Variants in PTPRD observed in about 807,000 individuals in gnomAD.
PTPRD encodes the protein protein tyrosine phosphatase receptor type D, also known as receptor-type tyrosine-protein phosphatase delta.
A neutral mutation model predicts 214.5 loss-of-function variants in PTPRD; 34 were observed. That is an observed-to-expected ratio of 0.16 (90% CI 0.12 to 0.21). The LOEUF (loss-of-function observed/expected upper bound fraction) is 0.21, where lower values mean the gene tolerates loss of function less well. PTPRD is among the 10% of genes least tolerant of loss of function. The pLI, the probability that PTPRD is intolerant of heterozygous loss-of-function variation, is 1.00. For synonymous variants in PTPRD, 1,128 were observed against 845.7 expected (o/e 1.33, Z -5.79); for missense variants, 2,545 against 2,398.7 (o/e 1.06, Z -1.27).
intron 44 of PTPRD, among the ~76,000 whole-genome samples, chr9:8,323,999 G>A (rs1393328496): frequency 6.6e-6 from 1 of 151,884 alleles, no homozygotes; most frequent in East Asian, 1.9e-4. Context: ...TCACCCTTCA[G>A]AAACCACCGC....
intron 2 of PTPRD, among the ~76,000 whole-genome samples, chr9:10,461,392 A>G (rs2098957406): frequency 6.6e-6 from 1 of 152,030 alleles, no homozygotes; most frequent in African/African-American, 2.4e-5. Flanking sequence ...CTGCAATCCT[A>G]TGTTCATTGT....
intron 4 of PTPRD, among the ~76,000 whole-genome samples, chr9:9,956,280 T>TAAAAAAAAA (rs202114228): frequency 7.8e-6 from 1 of 127,574 alleles, no homozygotes; most frequent in Non-Finnish European, 1.7e-5. Flanking sequence ...AAGTCAAACT[T>TAAAAAAAAA]AAAAAAAAAA....
At chr9:9,833,877 C>T (rs1244331982) in intron 5 of PTPRD, among the ~76,000 whole-genome samples, 1 of 152,064 alleles carries the variant, frequency 6.6e-6, no homozygotes, top group African/African-American at 2.4e-5. Context: ...TGCTGTTATC[C>T]TGTTCTTTTT....
In PTPRD at chr9:10,554,074, T is replaced by A. The variant is rs183391256; in HGVS notation, c.-600+58324A>T. 5.9e-5 allele frequency among the ~76,000 whole-genome samples: 9 copies of A among 152,310 alleles called. No homozygotes were observed. In the East Asian group the frequency reaches 1.7e-3, roughly 29 times the overall value. The stretch of plus-strand genomic sequence containing the variant: ...AACATCACAAAGTTACATTTCTTAA[T>A]CTCTTAATCCCATGCAAATGTCCAT... On this transcript the variant is annotated intron_variant, in intron 2 of 45. Coordinates refer to ENST00000381196, the MANE Select transcript of PTPRD (RefSeq NM_002839.4).
chr9:9,159,722 G>A (rs191985416), intron 10 of PTPRD, among the ~76,000 whole-genome samples: 11 of 151,966 alleles, frequency 7.2e-5, no homozygotes, highest in Non-Finnish European at 1.3e-4. Flanking sequence ...CCTTAAATTC[G>A]TATGGAACTA....
chr9:8,333,038 C>G (rs1031201691), intron 43 of PTPRD, among the ~76,000 whole-genome samples: 2 of 152,156 alleles, frequency 1.3e-5, no homozygotes, highest in Non-Finnish European at 2.9e-5. Context: ...GAGCACTCAT[C>G]ACCTCGCCTG....
intron 3 of PTPRD, among the ~76,000 whole-genome samples, chr9:10,199,581 T>C (rs2099411382): frequency 6.6e-6 from 1 of 152,120 alleles, no homozygotes; most frequent in Non-Finnish European, 1.5e-5. Flanking sequence ...GGTCATCTTA[T>C]ATATTTCTCT....
At chr9:10,053,517 A>G (rs1190842063) in intron 3 of PTPRD, among the ~76,000 whole-genome samples, 1 of 152,154 alleles carries the variant, frequency 6.6e-6, no homozygotes, top group Non-Finnish European at 1.5e-5. Flanking sequence ...CAGTGGGTAA[A>G]TACTGGAAGC....
chr9:10,138,702 A>G (rs920327487), intron 3 of PTPRD, among the ~76,000 whole-genome samples: 2 of 152,132 alleles, frequency 1.3e-5, no homozygotes, highest in Admixed American at 1.3e-4. Flanking sequence ...GTTAGTTCAC[A>G]ATGACCAAAT....
At chr9:8,992,008 G>A (rs2099371133) in intron 11 of PTPRD, among the ~76,000 whole-genome samples, 1 of 152,150 alleles carries the variant, frequency 6.6e-6, no homozygotes. Context: ...GTTCTGGAAA[G>A]AGTTTGAGAG....
At chr9:9,164,917 G>A (rs537392980) in intron 10 of PTPRD, among the ~76,000 whole-genome samples, 11 of 151,446 alleles carry the variant, frequency 7.3e-5, no homozygotes, top group African/African-American at 2.4e-4. Context: ...GCCGGGTGTG[G>A]TGGTGCACAC....
chr9:9,788,716 A>G (rs562825702), intron 5 of PTPRD, among the ~76,000 whole-genome samples: 1 of 152,274 alleles, frequency 6.6e-6, no homozygotes, highest in Non-Finnish European at 1.5e-5. Context: ...CCAAATAGCC[A>G]CCAGGTGAGC....
intron 10 of PTPRD, among the ~76,000 whole-genome samples, chr9:9,038,420 C>T (rs1028693923): frequency 2.0e-5 from 3 of 152,080 alleles, no homozygotes; most frequent in Non-Finnish European, 2.9e-5. Context: ...ATAGAAATAA[C>T]AGAGGCTGAT....
intron 2 of PTPRD, among the ~76,000 whole-genome samples, chr9:10,358,398 C>G (rs2097315995): frequency 6.6e-6 from 1 of 151,864 alleles, no homozygotes; most frequent in African/African-American, 2.4e-5. Context: ...AATTTTACAT[C>G]TTATAGGGTA....
chr9:8,856,367 G>A (rs1184819829), intron 11 of PTPRD, among the ~76,000 whole-genome samples: 1 of 152,106 alleles, frequency 6.6e-6, no homozygotes, highest in Non-Finnish European at 1.5e-5. Context: ...CCCCAGAGAT[G>A]CGCTACAGGA....
intron 4 of PTPRD, among the ~76,000 whole-genome samples, chr9:9,943,128 C>A (rs997301054): frequency 6.6e-6 from 1 of 152,068 alleles, no homozygotes; most frequent in Non-Finnish European, 1.5e-5. Flanking sequence ...GTAGTACAAT[C>A]AAACTCAAAA....
chr9:9,116,612 G>A (rs1202839575), intron 10 of PTPRD, among the ~76,000 whole-genome samples: 1 of 152,060 alleles, frequency 6.6e-6, no homozygotes, highest in Non-Finnish European at 1.5e-5. Context: ...CCCTAAAGCT[G>A]TTGAATTTTT....
intron 2 of PTPRD, among the ~76,000 whole-genome samples, chr9:10,565,290 C>G (rs954425383): frequency 6.6e-6 from 1 of 151,988 alleles, no homozygotes; most frequent in Non-Finnish European, 1.5e-5. Flanking sequence ...TAAGTAATCT[C>G]CCTCATGCTC....
intron 5 of PTPRD, among the ~76,000 whole-genome samples, chr9:9,877,896 C>G (rs1057232956): frequency 6.7e-6 from 1 of 149,710 alleles, no homozygotes; most frequent in Non-Finnish European, 1.5e-5. Flanking sequence ...TTGCTTTACC[C>G]CGGGAGGTGG....
Sources: gnomAD v4.1 joint callset for allele counts (sites outside exome capture counted in the v4.1 genomes callset) on GRCh38, gnomAD v4.1.1 for gene constraint, MANE v1.5 for transcripts, NCBI Gene and HGNC (gene_info 2026-07-23, HGNC 2026-07-21) for gene names.